PINX1: variants seen among roughly 807,000 people sequenced by gnomAD.
PINX1 encodes PIN2 (TERF1) interacting telomerase inhibitor 1.
Under a neutral mutation model 25.4 loss-of-function variants are expected in PINX1, and 34 were observed. The observed-to-expected ratio is 1.34, with a 90% CI of 1.02 to 1.78. The LOEUF (loss-of-function observed/expected upper bound fraction) is 1.78. Ranked by LOEUF, PINX1 falls within the 40% of genes most tolerant of loss-of-function variation. The pLI is 0.00. For synonymous variants in PINX1, 197 were observed against 147.7 expected, an observed-to-expected ratio of 1.33 and a Z score of -2.42; for missense variants, 592 against 404.9, an observed-to-expected ratio of 1.46 and a Z score of -3.97.
At chr8:10,768,251 C>T (rs1801120348) in intron 6 of PINX1, among the ~76,000 whole-genome samples, 2 of 152,240 alleles carry the variant, frequency 1.3e-5, no homozygotes, top group Admixed American at 1.3e-4. Context: ...CTGTGGGCCA[C>T]TCTTTTGGAA....
chr8:10,829,419 G>A (rs1201622278), intron 4 of PINX1, among the ~76,000 whole-genome samples: 1 of 152,072 alleles, frequency 6.6e-6, no homozygotes, highest in East Asian at 1.9e-4. Context: ...CTATCAGGAG[G>A]CTTACAGTGC....
chr8:10,831,593 A>T (rs936166579), intron 4 of PINX1, 72 bp downstream of exon 4: 1 of 921,886 alleles, frequency 1.1e-6, no homozygotes, highest in Non-Finnish European at 1.7e-6. Flanking sequence ...TCAACTAAAA[A>T]TAATAAAAGC....
intron 6 of PINX1, among the ~76,000 whole-genome samples, chr8:10,801,831 A>G (rs1802272266): frequency 6.6e-6 from 1 of 152,140 alleles, no homozygotes; most frequent in African/African-American, 2.4e-5. Flanking sequence ...AGGAGAACAG[A>G]TTTGCCTAAA....
At chr8:10,777,357 G>A (rs1378004057) in intron 6 of PINX1, among the ~76,000 whole-genome samples, 2 of 152,234 alleles carry the variant, frequency 1.3e-5, no homozygotes, top group African/African-American at 2.4e-5. Context: ...CCCGTTTGAA[G>A]TCCTTGCTGC....
chr8:10,782,826 C>T (rs1012788017), intron 6 of PINX1, among the ~76,000 whole-genome samples: 4 of 152,160 alleles, frequency 2.6e-5, no homozygotes, highest in East Asian at 1.9e-4. Flanking sequence ...TGCATTGAAA[C>T]GTCAAACATT....
chr8:10,800,991 G>A (rs1420854580), intron 6 of PINX1, among the ~76,000 whole-genome samples: 8 of 152,138 alleles, frequency 5.3e-5, no homozygotes, highest in Non-Finnish European at 8.8e-5. Context: ...GGGAGTCCCT[G>A]GCATCAGTCT....
chr8:10,794,166 G>A (rs1335487084), intron 6 of PINX1, among the ~76,000 whole-genome samples: 1 of 151,942 alleles, frequency 6.6e-6, no homozygotes, highest in East Asian at 1.9e-4. Context: ...GCAGTGAAGG[G>A]GTATTTTTAG....
chr8:10,828,667 G>A (rs1021890931), intron 4 of PINX1, among the ~76,000 whole-genome samples: 3 of 152,186 alleles, frequency 2.0e-5, no homozygotes, highest in African/African-American at 2.4e-5. Flanking sequence ...CGTGAGCACC[G>A]CCAGGCCTTG....
chr8:10,837,383 T>C (rs1026547360), intron 1 of PINX1, among the ~76,000 whole-genome samples: 8 of 152,242 alleles, frequency 5.3e-5, no homozygotes, highest in Non-Finnish European at 1.2e-4. Context: ...TAGCCTGGAC[T>C]TTGCCCCGTG....
intron 6 of PINX1, among the ~76,000 whole-genome samples, chr8:10,816,288 G>A (rs1411469534): frequency 1.3e-5 from 2 of 152,182 alleles, no homozygotes; most frequent in Non-Finnish European, 2.9e-5. Flanking sequence ...ACCAGATGAA[G>A]GGTACACAGA....
chr8:10,782,544 T>A (rs7824708), intron 6 of PINX1, among the ~76,000 whole-genome samples: 6,250 of 152,104 alleles, frequency 0.041, 433 homozygotes, highest in African/African-American at 0.14. Context: ...AAGACCAACG[T>A]GGCCAATATG....
chr8:10,832,795 A>C (rs1297573437), intron 3 of PINX1, 97 bp downstream of exon 3: 1 of 674,248 alleles, frequency 1.5e-6, no homozygotes, highest in Non-Finnish European at 2.6e-6. Context: ...GAAGTGCTGC[A>C]CCAATGGTCA....
chr8:10,775,067 A>G (rs975932921), intron 6 of PINX1, among the ~76,000 whole-genome samples: 7 of 152,186 alleles, frequency 4.6e-5, no homozygotes, highest in African/African-American at 1.4e-4. Context: ...GAAAAACCCT[A>G]ACCAGTTACA....
At chr8:10,790,330 G>C (rs1042766299) in intron 6 of PINX1, among the ~76,000 whole-genome samples, 1 of 152,210 alleles carries the variant, frequency 6.6e-6, no homozygotes, top group African/African-American at 2.4e-5. Context: ...GACATGCACT[G>C]ATGAGTACAT....
intron 6 of PINX1, among the ~76,000 whole-genome samples, chr8:10,809,686 A>T (rs1471045859): frequency 7.2e-5 from 11 of 152,202 alleles, no homozygotes; most frequent in Non-Finnish European, 1.6e-4. Flanking sequence ...ACATTCACAC[A>T]TCCAGGACAA....
chr8:10,789,480 T>C (rs950062070), intron 6 of PINX1, among the ~76,000 whole-genome samples: 2 of 152,232 alleles, frequency 1.3e-5, no homozygotes, highest in Non-Finnish European at 2.9e-5. Context: ...GTACACAGTG[T>C]GTTCTTATTA....
At chr8:10,781,500 G>C (rs923503963) in intron 6 of PINX1, among the ~76,000 whole-genome samples, 2 of 152,168 alleles carry the variant, frequency 1.3e-5, no homozygotes, top group Admixed American at 6.5e-5. Flanking sequence ...CAACTCAGTA[G>C]CAAGAAAATA....
At chr8:10,788,658 G>C (rs1801827326) in intron 6 of PINX1, among the ~76,000 whole-genome samples, 1 of 152,174 alleles carries the variant, frequency 6.6e-6, no homozygotes, top group Non-Finnish European at 1.5e-5. Flanking sequence ...TAAGGCATCT[G>C]TGTCTAAGTG....
In PINX1 at chr8:10,765,791, C is replaced by A. The variant is rs202176931; in HGVS notation, c.597G>T (p.Gly199=). Residue 199 remains glycine (G), a synonymous_variant, in exon 7 of 7, where the codon GGG becomes GGT. Transcript: ENST00000314787. ...LKNKPQVPVP[G]SDISETQVER... ...CCACCTGCGTCTCAGAAATGTCAGA[C>A]CCTGGAACTGGAACCTGGGGCTTGT... The A allele has an allele frequency of 2.3e-4, 370 of 1,613,966 alleles. No individual in the cohort carries two copies. Among genetic ancestry groups the A allele is most frequent in the Non-Finnish European group, 2.8e-4 (326 of 1,179,902 alleles).
Sources: allele counts gnomAD v4.1 joint callset (sites outside exome capture counted in the v4.1 genomes callset), GRCh38; gene constraint gnomAD v4.1.1; transcripts MANE v1.5; gene names NCBI Gene and HGNC (gene_info 2026-07-23, HGNC 2026-07-21).